PCDHA4: variants seen among roughly 807,000 people sequenced by gnomAD.
PCDHA4 encodes protocadherin alpha 4.
In PCDHA4, 49 loss-of-function variants were observed where a neutral mutation model predicts 61.4. That is an observed-to-expected ratio of 0.80 (90% CI 0.63 to 1.01). The LOEUF is 1.01. PCDHA4 is among the 50% of genes least tolerant of loss of function. PCDHA4 has a pLI of 0.00. For synonymous variants in PCDHA4, 590 were observed against 550.3 expected (o/e 1.07, Z -1.01); for missense variants, 1,254 against 1,235.8 (o/e 1.01, Z -0.22).
chr5:140,869,373 C>T (rs782224697), intron 1 of PCDHA4: 5 of 1,613,984 alleles, frequency 3.1e-6, no homozygotes, highest in African/African-American at 2.7e-5. Flanking sequence ...ATTCTCGGAT[C>T]GACCGCGAGG....
chr5:140,836,253 G>T (rs2150256519), intron 1 of PCDHA4: 2 of 1,613,806 alleles, frequency 1.2e-6, no homozygotes, highest in Admixed American at 1.7e-5. Context: ...CCCGTTCCGC[G>T]TGGGGCTGTA....
At position 141,011,477 on chromosome 5, in the gene PCDHA4, T is replaced by C. The variant is rs1256394490; in HGVS notation, c.*1540T>C. 2 of 153,818 alleles carry C rather than the reference T, an allele frequency of 1.3e-5. No homozygotes were observed. Among genetic ancestry groups the C allele is most frequent in the Non-Finnish European group, 2.9e-5 (2 of 68,052 alleles). The allele number at this position is 153,818 out of a possible 1,614,324, so 9.5% of individuals were successfully genotyped here. ...TTTATTGTTGAATGTAATTCCATTA[T>C]ATTTCCTTTTGTACACCTGTGAAAA... On this transcript the variant is annotated 3_prime_UTR_variant, in exon 4 of 4. Transcript: ENST00000530339.
In PCDHA4 at chr5:140,822,613, T is replaced by C. The variant is rs2150117773; in HGVS notation, c.2385+13041T>C. On this transcript the variant is annotated intron_variant, in intron 1 of 3. Coordinates refer to ENST00000530339, the MANE Select transcript of PCDHA4 (RefSeq NM_018907.4). ...CATCAATAAGGAAATAGTGTATTTCTTTAGTAATCTTGTTCTTGACGATGT... is the reference window on the plus strand; with the variant it reads ...CATCAATAAGGAAATAGTGTATTTCCTTAGTAATCTTGTTCTTGACGATGT... 7.5e-6 allele frequency: 12 copies of C among 1,609,036 alleles called. No individual in the cohort carries two copies. In the East Asian group the frequency reaches 2.7e-4, roughly 36 times the overall value.
chr5:140,834,758 C>T (rs2150225679), intron 1 of PCDHA4: 11 of 1,614,006 alleles, frequency 6.8e-6, no homozygotes, highest in Non-Finnish European at 8.5e-6. Flanking sequence ...AGGTGAAGGA[C>T]ATTAACGACA....
At chr5:140,833,033 G>T (rs892689957) in intron 1 of PCDHA4, among the ~76,000 whole-genome samples, 2 of 152,156 alleles carry the variant, frequency 1.3e-5, no homozygotes, top group Non-Finnish European at 2.9e-5. Flanking sequence ...GAGAGAGTGT[G>T]ATATAAAGCA....
intron 1 of PCDHA4, chr5:140,811,029 T>C (rs1764780657): frequency 6.6e-6 from 1 of 152,244 alleles, no homozygotes; most frequent in Admixed American, 6.5e-5. Flanking sequence ...TATTATACTT[T>C]AAGTTCTAGG....
At chr5:140,884,173 C>T in intron 1 of PCDHA4, 1 of 1,613,432 alleles carries the variant, frequency 6.2e-7, no homozygotes, top group Non-Finnish European at 8.5e-7. Context: ...GCACGACGCG[C>T]CCTCTGGACG....
intron 1 of PCDHA4, among the ~76,000 whole-genome samples, chr5:140,962,378 G>A (rs184607177): frequency 2.1e-3 from 316 of 152,286 alleles, no homozygotes; most frequent in African/African-American, 7.3e-3. Context: ...GATTTTATCT[G>A]TTAATATTAC....
chr5:140,821,057 T>A (rs1253848175), intron 1 of PCDHA4, among the ~76,000 whole-genome samples: 6 of 152,004 alleles, frequency 3.9e-5, no homozygotes, highest in Non-Finnish European at 5.9e-5. Context: ...AAGAATGCCA[T>A]TAAAATAGTT....
At chr5:140,977,256 C>T (rs1304967733) in intron 1 of PCDHA4, among the ~76,000 whole-genome samples, 1 of 152,164 alleles carries the variant, frequency 6.6e-6, no homozygotes, top group Non-Finnish European at 1.5e-5. Flanking sequence ...CATTTCTCAG[C>T]AGATGTTACA....
At chr5:140,848,649 C>T in intron 1 of PCDHA4, 3 of 1,593,016 alleles carry the variant, frequency 1.9e-6, no homozygotes, top group Admixed American at 1.7e-5. Context: ...CGCGCAGGAC[C>T]TGGGGCTGGA....
chr5:140,827,633 G>A (rs143632043), intron 1 of PCDHA4, among the ~76,000 whole-genome samples: 6 of 152,330 alleles, frequency 3.9e-5, no homozygotes, highest in African/African-American at 1.4e-4. Flanking sequence ...GTGTAGAATA[G>A]TTTACATTTC....
intron 1 of PCDHA4, among the ~76,000 whole-genome samples, chr5:140,941,369 T>C (rs2093052615): frequency 6.8e-6 from 1 of 147,356 alleles, no homozygotes; most frequent in Non-Finnish European, 1.5e-5. Context: ...TAGGCTGGAG[T>C]GTAGTGACAG....
chr5:140,844,051 CAA>C (rs1431845216), intron 1 of PCDHA4, among the ~76,000 whole-genome samples: 4 of 149,544 alleles, frequency 2.7e-5, no homozygotes, highest in African/African-American at 9.8e-5. Flanking sequence ...AGTATTCCCC[CAA>C]AGCGTTTATT....
At chr5:140,949,670 T>G (rs1218670800) in intron 1 of PCDHA4, among the ~76,000 whole-genome samples, 2 of 151,862 alleles carry the variant, frequency 1.3e-5, no homozygotes, top group African/African-American at 4.8e-5. Flanking sequence ...CTTTAAAGTA[T>G]GCCCTTGTTG....
chr5:140,946,648 C>A (rs1195536248), intron 1 of PCDHA4, among the ~76,000 whole-genome samples: 2 of 99,274 alleles, frequency 2.0e-5, no homozygotes, highest in African/African-American at 1.2e-4. Flanking sequence ...GAATACTCAT[C>A]AGCCATTAGA....
At chr5:140,847,099 C>T (rs1780855366) in intron 1 of PCDHA4, among the ~76,000 whole-genome samples, 1 of 149,656 alleles carries the variant, frequency 6.7e-6, no homozygotes. Context: ...TTGGTTAAAA[C>T]ACACAGTCTG....
At chr5:140,995,819 C>T (rs1045622508) in intron 3 of PCDHA4, among the ~76,000 whole-genome samples, 1 of 152,088 alleles carries the variant, frequency 6.6e-6, no homozygotes, top group African/African-American at 2.4e-5. Flanking sequence ...AGGGAGATAG[C>T]CTGGCATTGC....
intron 1 of PCDHA4, among the ~76,000 whole-genome samples, chr5:140,895,123 T>C (rs1583185390): frequency 6.6e-6 from 1 of 152,300 alleles, no homozygotes; most frequent in East Asian, 1.9e-4. Flanking sequence ...CATTTGTTAG[T>C]TGACAAGTTC....
Sources: allele counts gnomAD v4.1 joint callset (sites outside exome capture counted in the v4.1 genomes callset), GRCh38; gene constraint gnomAD v4.1.1; transcripts MANE v1.5; gene names NCBI Gene and HGNC (gene_info 2026-07-23, HGNC 2026-07-21).